ANKRD17: variants seen among roughly 807,000 people sequenced by gnomAD.
ANKRD17 encodes the protein ankyrin repeat domain 17, also known as ankyrin repeat domain-containing protein 17.
Under a neutral mutation model 229.7 loss-of-function variants are expected in ANKRD17, and 19 were observed. That is an observed-to-expected ratio of 0.08 (90% CI 0.06 to 0.12). The LOEUF is 0.12. Ranked by LOEUF, ANKRD17 falls within the 10% of genes least tolerant of loss-of-function variation. ANKRD17 has a pLI of 1.00. For synonymous variants in ANKRD17, 1,112 were observed against 1,146.1 expected, an observed-to-expected ratio of 0.97 and a Z score of 0.60; for missense variants, 2,176 against 3,176.8, an observed-to-expected ratio of 0.68 and a Z score of 7.57.
At chr4:73,158,129 A>G (rs142466377) in intron 3 of ANKRD17, among the ~76,000 whole-genome samples, 3 of 120,680 alleles carry the variant, frequency 2.5e-5, no homozygotes, top group South Asian at 4.9e-4. Flanking sequence ...AGAAAGAAAG[A>G]AGGAGAAAGA....
intron 2 of ANKRD17, among the ~76,000 whole-genome samples, chr4:73,164,716 C>T (rs1424603080): frequency 9.2e-5 from 14 of 151,580 alleles, no homozygotes; most frequent in African/African-American, 1.7e-4. Flanking sequence ...CACTTGAACC[C>T]GGGAGGTGAA....
At chr4:73,135,048 G>A in intron 16 of ANKRD17, 69 bp downstream of exon 16, 1 of 1,472,216 alleles carries the variant, frequency 6.8e-7, no homozygotes, top group Non-Finnish European at 9.3e-7. Flanking sequence ...TTAAATCTCT[G>A]AAAGTTAATG....
intron 1 of ANKRD17, among the ~76,000 whole-genome samples, chr4:73,256,942 G>A (rs913136502): frequency 2.0e-5 from 3 of 152,168 alleles, no homozygotes; most frequent in Non-Finnish European, 4.4e-5. Context: ...AAGAGAATCT[G>A]GTCTTCTACA....
chr4:73,109,626 TA>T (rs753830094), intron 24 of ANKRD17, among the ~76,000 whole-genome samples: 12 of 152,104 alleles, frequency 7.9e-5, no homozygotes, highest in Non-Finnish European at 1.8e-4. Context: ...TAAATTAAAC[TA>T]AGGAAATGCA....
intron 1 of ANKRD17, among the ~76,000 whole-genome samples, chr4:73,194,886 C>T (rs368798946): frequency 3.0e-4 from 45 of 152,070 alleles, no homozygotes; most frequent in Admixed American, 5.9e-4. Context: ...ACAAAAACTA[C>T]ATACATACTT....
In ANKRD17 at chr4:73,090,846, C is replaced by T. The variant is rs1301196123; in HGVS notation, c.6782G>A (p.Ser2261Asn). The change falls in exon 29 of 34, where the codon AGC becomes AAC. Residue 2261 changes from serine to asparagine, a missense_variant. Coordinates refer to ENST00000358602, the MANE Select transcript of ANKRD17 (RefSeq NM_032217.5). ...CCAGAAGGCATGAGCAGAAGTAGGGCTGTTTTCAAACAATGTGCTAAAGGG... is the reference window on the plus strand; with the variant it reads ...CCAGAAGGCATGAGCAGAAGTAGGGTTGTTTTCAAACAATGTGCTAAAGGG... ...FGPFSTLFENSPTSAHAFWGG... is the reference protein window; with the variant it reads ...FGPFSTLFENNPTSAHAFWGG... The T allele has an allele frequency of 6.2e-7, 1 of 1,614,090 alleles. No homozygotes were observed. The highest frequency in any genetic ancestry group is 8.5e-7 in the Non-Finnish European group (1 of 1,180,046).
At chr4:73,117,708 A>T (rs996679357) in intron 22 of ANKRD17, among the ~76,000 whole-genome samples, 2 of 152,200 alleles carry the variant, frequency 1.3e-5, no homozygotes, top group African/African-American at 4.8e-5. Flanking sequence ...ATCTACAGGG[A>T]ATTTTATCTA....
Position 73,090,982 on chromosome 4 carries a change from A to G in ANKRD17, c.6646T>C (p.Ser2216Pro). The change falls in exon 29 of 34, where the codon TCT (serine) becomes CCT (proline). Residue 2216 changes from serine to proline, a missense_variant. Physicochemically the swap from Ser to Pro is moderately conservative, Grantham distance 74. Around this residue, in one of 18 missense-constraint regions of ANKRD17, gnomAD observed 424 missense variants for 454.0 expected, o/e 0.93. Transcript: ENST00000358602. ...AAGGTCGAAGGTAGCTGGACAGAAG[A>G]GGGAACACTGTGAGGTCTTTTAATG... is the stretch of plus-strand genomic sequence containing the variant. The part of the protein sequence containing the change: ...NHIKRPHSVP[S>P]SVQLPSTLST... The G allele has an allele frequency of 1.9e-6, 3 of 1,614,244 alleles. No homozygotes were observed. The highest frequency in any genetic ancestry group is 2.5e-6 in the Non-Finnish European group (3 of 1,180,042).
chr4:73,200,447 C>T (rs1738506576), intron 1 of ANKRD17, among the ~76,000 whole-genome samples: 1 of 152,040 alleles, frequency 6.6e-6, no homozygotes, highest in East Asian at 1.9e-4. Context: ...ACAACAACAA[C>T]AAAACTAAGC....
At chr4:73,253,733 G>C (rs1012243503) in intron 1 of ANKRD17, among the ~76,000 whole-genome samples, 2 of 152,078 alleles carry the variant, frequency 1.3e-5, no homozygotes, top group Non-Finnish European at 2.9e-5. Context: ...GTACTTACCA[G>C]GCATTCATCA....
At chr4:73,131,600 A>T (rs1578142433) in intron 16 of ANKRD17, among the ~76,000 whole-genome samples, 1 of 152,320 alleles carries the variant, frequency 6.6e-6, no homozygotes, top group South Asian at 2.1e-4. Context: ...AACACACTTA[A>T]GTTAAAAATA....
intron 1 of ANKRD17, among the ~76,000 whole-genome samples, chr4:73,245,181 G>C (rs1159280229): frequency 6.6e-6 from 1 of 151,798 alleles, no homozygotes; most frequent in African/African-American, 2.4e-5. Context: ...TAGTAGCAAA[G>C]ATCAAGTTAA....
intron 1 of ANKRD17, among the ~76,000 whole-genome samples, chr4:73,222,063 T>C (rs1407056699): frequency 6.6e-6 from 1 of 152,068 alleles, no homozygotes; most frequent in Non-Finnish European, 1.5e-5. Context: ...ATAAATTATC[T>C]CAACAGTCTA....
chr4:73,251,038 C>G (rs1000977349), intron 1 of ANKRD17, among the ~76,000 whole-genome samples: 2 of 151,972 alleles, frequency 1.3e-5, no homozygotes, highest in Non-Finnish European at 2.9e-5. Flanking sequence ...TGGGAGCCTG[C>G]GGCAGGAGGA....
intron 30 of ANKRD17, among the ~76,000 whole-genome samples, chr4:73,079,898 G>C (rs893889483): frequency 2.0e-5 from 3 of 151,852 alleles, no homozygotes; most frequent in Admixed American, 6.6e-5. Flanking sequence ...GCGGATCATG[G>C]GATCAGGAGT....
chr4:73,209,843 AG>A (rs1740018031), intron 1 of ANKRD17, among the ~76,000 whole-genome samples: 2 of 152,232 alleles, frequency 1.3e-5, no homozygotes, highest in Admixed American at 1.3e-4. Context: ...GGAAAATCAC[AG>A]GATCACCTAA....
chr4:73,211,623 G>A (rs1370457512), intron 1 of ANKRD17, among the ~76,000 whole-genome samples: 5 of 152,174 alleles, frequency 3.3e-5, no homozygotes, highest in South Asian at 4.2e-4. Flanking sequence ...GAGGCAGGTG[G>A]ATCACCTGAG....
At chr4:73,231,695 C>T (rs890802767) in intron 1 of ANKRD17, among the ~76,000 whole-genome samples, 1 of 152,124 alleles carries the variant, frequency 6.6e-6, no homozygotes, top group Admixed American at 6.5e-5. Flanking sequence ...GACTGACAGG[C>T]CCTAGGTAGC....
At chr4:73,113,310 G>A (rs1032167922) in intron 24 of ANKRD17, 91 of 1,289,060 alleles carry the variant, frequency 7.1e-5, no homozygotes, top group Non-Finnish European at 9.1e-5. Context: ...GTTGTAGTCT[G>A]CCTGAAAGAG....
Sources: gnomAD v4.1 joint callset for allele counts (sites outside exome capture counted in the v4.1 genomes callset) on GRCh38, gnomAD v4.1.1 for gene constraint, gnomAD v4.1.1 regional missense constraint, MANE v1.5 for transcripts, NCBI Gene and HGNC (gene_info 2026-07-23, HGNC 2026-07-21) for gene names.